The following GPHN variants were observed in gnomAD, a reference collection of about 807,000 sequenced individuals.
GPHN encodes gephyrin.
GPHN carries 17 observed loss-of-function variants against 95.5 expected under a neutral mutation model. The ratio of observed to expected loss-of-function variants is 0.18; its 90% CI spans 0.12 to 0.27. The LOEUF (loss-of-function observed/expected upper bound fraction) is 0.27. GPHN is among the 10% of genes least tolerant of loss of function. GPHN has a pLI of 1.00. For missense variants in GPHN, 660 were observed against 978.1 expected, an observed-to-expected ratio of 0.67 and a Z score of 4.34; for synonymous variants, 320 against 322.5, an observed-to-expected ratio of 0.99 and a Z score of 0.08.
chr14:66,548,568 A>G (rs1418660089), intron 1 of GPHN, among the ~76,000 whole-genome samples: 1 of 152,190 alleles, frequency 6.6e-6, no homozygotes, highest in African/African-American at 2.4e-5. Flanking sequence ...TCCACCGACG[A>G]GCAGTTTCCC....
chr14:67,349,061 G>A, the GPHN span: 6 of 1,614,014 alleles, frequency 3.7e-6, no homozygotes, highest in Non-Finnish European at 5.1e-6. Flanking sequence ...TTCTTCGCTC[G>A]AATCTTCACT....
intron 2 of GPHN, among the ~76,000 whole-genome samples, chr14:66,770,105 T>A (rs2059112680): frequency 6.6e-6 from 1 of 152,244 alleles, no homozygotes; most frequent in South Asian, 2.1e-4. Context: ...TTCTCATGAT[T>A]GTTGGCTGTA....
chr14:67,630,418 C>T, the GPHN span, among the ~76,000 whole-genome samples: 7 of 152,144 alleles, frequency 4.6e-5, no homozygotes, highest in African/African-American at 1.7e-4. Context: ...GTTGTAGCCT[C>T]AGCAGCAGGA....
chr14:66,787,177 A>G (rs1476780114), intron 3 of GPHN, among the ~76,000 whole-genome samples: 1 of 152,160 alleles, frequency 6.6e-6, no homozygotes, highest in Non-Finnish European at 1.5e-5. Context: ...ACACAAAAAG[A>G]AAAAAATCAA....
the GPHN span, among the ~76,000 whole-genome samples, chr14:67,274,022 GC>G: frequency 6.6e-6 from 1 of 152,100 alleles, no homozygotes; most frequent in South Asian, 2.1e-4. Flanking sequence ...CTGGATATTA[GC>G]CCTTTGTCAG....
intron 10 of GPHN, among the ~76,000 whole-genome samples, chr14:67,033,696 G>GC (rs936195102): frequency 2.6e-5 from 4 of 152,122 alleles, no homozygotes; most frequent in Admixed American, 2.6e-4. Context: ...TCCCAAATTT[G>GC]ATGAAAGAAA....
At chr14:67,716,191 C>T in the GPHN span, among the ~76,000 whole-genome samples, 32 of 139,430 alleles carry the variant, frequency 2.3e-4, no homozygotes, top group Middle Eastern at 3.7e-3. Context: ...AGTGAGACTC[C>T]GTCTCAAAAA....
the GPHN span, among the ~76,000 whole-genome samples, chr14:67,189,112 T>C: frequency 9.9e-5 from 15 of 152,184 alleles, no homozygotes; most frequent in Non-Finnish European, 1.9e-4. Flanking sequence ...ATAGGGAAAG[T>C]GAATAATAAA....
chr14:67,655,156 A>AT, the GPHN span, among the ~76,000 whole-genome samples: 1 of 152,108 alleles, frequency 6.6e-6, no homozygotes, highest in Non-Finnish European at 1.5e-5. Context: ...CTTTGGCAAC[A>AT]TAATGAGACC....
chr14:66,829,025 A>T (rs1229021854), intron 4 of GPHN, among the ~76,000 whole-genome samples: 1 of 150,932 alleles, frequency 6.6e-6, no homozygotes, highest in South Asian at 2.1e-4. Context: ...TCACTCATCA[A>T]CTTTTTAGAA....
the GPHN span, among the ~76,000 whole-genome samples, chr14:67,535,636 T>A: frequency 6.6e-6 from 1 of 152,060 alleles, no homozygotes; most frequent in Non-Finnish European, 1.5e-5. Flanking sequence ...TGCCTCCACC[T>A]CCCAAAGTGC....
chr14:67,352,769 A>C, the GPHN span: 1 of 576,308 alleles, frequency 1.7e-6, no homozygotes. Flanking sequence ...TATTAAATGA[A>C]CTATTTGATA....
chr14:66,788,297 A>T (rs2059853442), intron 3 of GPHN, among the ~76,000 whole-genome samples: 1 of 152,266 alleles, frequency 6.6e-6, no homozygotes, highest in Non-Finnish European at 1.5e-5. Context: ...CAACAGAACG[A>T]GACTCCGTCT....
chr14:67,354,855 C>T, the GPHN span, among the ~76,000 whole-genome samples: 1 of 152,124 alleles, frequency 6.6e-6, no homozygotes, highest in African/African-American at 2.4e-5. Flanking sequence ...CTCTTGTTGC[C>T]CAGGCTAGAG....
At chr14:67,599,927 G>C in the GPHN span, 2 of 1,022,488 alleles carry the variant, frequency 2.0e-6, no homozygotes, top group African/African-American at 1.7e-5. Context: ...CTGTAGGAGG[G>C]GCCGACCAGA....
the GPHN span, among the ~76,000 whole-genome samples, chr14:67,494,418 G>T: frequency 6.6e-6 from 1 of 152,236 alleles, no homozygotes; most frequent in Non-Finnish European, 1.5e-5. Context: ...GCAGGGCTAG[G>T]ATTTGAAGCC....
intron 18 of GPHN, among the ~76,000 whole-genome samples, chr14:67,154,893 A>G (rs2081496648): frequency 1.3e-5 from 2 of 152,182 alleles, no homozygotes; most frequent in Admixed American, 1.3e-4. Flanking sequence ...AAAATAACCA[A>G]GACAGCCAGG....
the GPHN span, among the ~76,000 whole-genome samples, chr14:67,724,292 C>A: frequency 6.6e-6 from 1 of 152,084 alleles, no homozygotes; most frequent in African/African-American, 2.4e-5. Flanking sequence ...GATAAACAGG[C>A]GACTACCTTG....
At chr14:66,713,102 T>C (rs1433987393) in intron 2 of GPHN, among the ~76,000 whole-genome samples, 2 of 152,190 alleles carry the variant, frequency 1.3e-5, no homozygotes, top group Non-Finnish European at 2.9e-5. Flanking sequence ...ACTCTGTGGG[T>C]TGTCTGTTTA....
Sources: allele counts gnomAD v4.1 joint callset (sites outside exome capture counted in the v4.1 genomes callset), GRCh38; gene constraint gnomAD v4.1.1; transcripts MANE v1.5; gene names NCBI Gene and HGNC (gene_info 2026-07-23, HGNC 2026-07-21).